The following FGF12 variants were observed in gnomAD, a reference collection of about 807,000 sequenced individuals.
FGF12 encodes fibroblast growth factor 12.
A neutral mutation model predicts 23.6 loss-of-function variants in FGF12; 14 were observed. That is an observed-to-expected ratio of 0.59 (90% CI 0.39 to 0.93). FGF12 has a LOEUF of 0.93. Ranked by LOEUF, FGF12 falls within the 40% of genes least tolerant of loss-of-function variation. FGF12 has a pLI of 0.00. For missense variants in FGF12, 175 were observed against 217.8 expected (o/e 0.80, Z 1.24); for synonymous variants, 62 against 77.3 (o/e 0.80, Z 1.04).
At chr3:192,334,760 T>C (rs1239352703) in intron 4 of FGF12, among the ~76,000 whole-genome samples, 5 of 152,192 alleles carry the variant, frequency 3.3e-5, no homozygotes, top group Non-Finnish European at 5.9e-5. Flanking sequence ...TGAAGGTAGA[T>C]AATTTGCCCA....
At chr3:192,478,636 G>C (rs925558879) in intron 2 of FGF12, among the ~76,000 whole-genome samples, 18 of 152,020 alleles carry the variant, frequency 1.2e-4, no homozygotes, top group African/African-American at 4.3e-4. Context: ...ATCATTTTCA[G>C]TTTTCTTGTG....
At chr3:192,219,948 A>T (rs1718386864) in intron 4 of FGF12, among the ~76,000 whole-genome samples, 2 of 152,276 alleles carry the variant, frequency 1.3e-5, no homozygotes, top group South Asian at 2.1e-4. Flanking sequence ...CTTTCTGATT[A>T]TGACAAAAAG....
chr3:192,284,833 A>G (rs1250580959), intron 4 of FGF12, among the ~76,000 whole-genome samples: 4 of 152,026 alleles, frequency 2.6e-5, no homozygotes. Flanking sequence ...GGAGTCACCT[A>G]GAAAACTACT....
At chr3:192,456,266 G>A (rs1722678830) in intron 2 of FGF12, among the ~76,000 whole-genome samples, 1 of 152,110 alleles carries the variant, frequency 6.6e-6, no homozygotes, top group South Asian at 2.1e-4. Context: ...CTACTTTCAG[G>A]ATTATGTATA....
chr3:192,580,176 T>C (rs1357473315), intron 2 of FGF12, among the ~76,000 whole-genome samples: 4 of 152,188 alleles, frequency 2.6e-5, no homozygotes, highest in East Asian at 3.8e-4. Flanking sequence ...GCTTATATAC[T>C]TACTTATTTT....
chr3:192,540,209 A>G (rs966353446), intron 2 of FGF12, among the ~76,000 whole-genome samples: 8 of 151,464 alleles, frequency 5.3e-5, no homozygotes, highest in Non-Finnish European at 8.8e-5. Flanking sequence ...TTGCTTTTCT[A>G]TTTCTTTAAG....
intron 5 of FGF12, among the ~76,000 whole-genome samples, chr3:192,165,964 G>T (rs142271016): frequency 1.3e-5 from 2 of 152,222 alleles, no homozygotes; most frequent in East Asian, 3.9e-4. Context: ...CTATTGTGAG[G>T]CTTAACAGAG....
At chr3:192,306,222 T>C (rs1241486075) in intron 4 of FGF12, among the ~76,000 whole-genome samples, 2 of 152,190 alleles carry the variant, frequency 1.3e-5, no homozygotes, top group Non-Finnish European at 2.9e-5. Context: ...CATTTTTGTT[T>C]ATATGATTTC....
chr3:192,280,067 T>C (rs1200532706), intron 4 of FGF12, among the ~76,000 whole-genome samples: 2 of 152,204 alleles, frequency 1.3e-5, no homozygotes, highest in Non-Finnish European at 2.9e-5. Flanking sequence ...GTCAACTGGA[T>C]GAAAATAAAA....
At position 192,184,961 on chromosome 3, in the gene FGF12, T is replaced by A. The variant is rs76623420; in HGVS notation, c.229-14305A>T. 3.3e-3 allele frequency among the ~76,000 whole-genome samples: 503 copies of A among 152,370 alleles called. 8 individuals are homozygous for A. The highest frequency in any genetic ancestry group is 0.031 in the East Asian group (163 of 5,186). ...ATTAGGGTACTTGATATATATCTTA[T>A]CACTTCTCACAGATTTCATTACAAT... On this transcript the variant is annotated intron_variant, in intron 4 of 5. Transcript: ENST00000445105.
chr3:192,531,766 C>T (rs753127924), intron 2 of FGF12, among the ~76,000 whole-genome samples: 50 of 152,266 alleles, frequency 3.3e-4, no homozygotes, highest in Non-Finnish European at 6.5e-4. Context: ...TTCTACCACA[C>T]GCTTGATGCT....
chr3:192,411,071 T>C (rs896704588), intron 2 of FGF12, among the ~76,000 whole-genome samples: 2 of 152,034 alleles, frequency 1.3e-5, no homozygotes, highest in African/African-American at 4.8e-5. Flanking sequence ...GTTGGCAACA[T>C]CCTAATAGAA....
chr3:192,293,840 G>A (rs1157045481), intron 4 of FGF12, among the ~76,000 whole-genome samples: 2 of 152,168 alleles, frequency 1.3e-5, no homozygotes, highest in Non-Finnish European at 2.9e-5. Flanking sequence ...TACAGTTCCA[G>A]AGGATGGGAA....
intron 2 of FGF12, among the ~76,000 whole-genome samples, chr3:192,639,547 T>C (rs776085834): frequency 2.6e-5 from 4 of 152,162 alleles, no homozygotes; most frequent in Admixed American, 6.5e-5. Flanking sequence ...ATGGAAACAA[T>C]GTAAGTGTCC....
At chr3:192,404,974 A>G (rs1720905706) in intron 2 of FGF12, among the ~76,000 whole-genome samples, 1 of 151,700 alleles carries the variant, frequency 6.6e-6, no homozygotes, top group South Asian at 2.1e-4. Flanking sequence ...GAAGACATCC[A>G]GTTATTTACA....
rs967576744 is a variant in FGF12, at chr3:192,143,584, A to G, written c.*425T>C. 1.3e-5 allele frequency: 2 copies of G among 153,766 alleles called. No individual in the cohort carries two copies. The highest frequency in any genetic ancestry group is 1.4e-5 in the Non-Finnish European group (1 of 69,036). The allele number at this position is 153,766 out of a possible 1,614,324, so 9.5% of individuals were successfully genotyped here. A position where few individuals can be genotyped will look rare whatever the true frequency, so the allele number is the denominator to read the frequency against. On this transcript the variant is annotated 3_prime_UTR_variant, in exon 6 of 6. Transcript: ENST00000445105. Reference sequence around the variant, plus strand: ...AAAATCAAGCAAAACCACACATCGCAGCATTATCATGAGTTTAAGCTATTG... The same window carrying G: ...AAAATCAAGCAAAACCACACATCGCGGCATTATCATGAGTTTAAGCTATTG...
intron 2 of FGF12, among the ~76,000 whole-genome samples, chr3:192,469,026 CT>C (rs2108812436): frequency 6.6e-6 from 1 of 152,266 alleles, no homozygotes; most frequent in South Asian, 2.1e-4. Context: ...TATGTTCATG[CT>C]CAAATTGTTC....
At chr3:192,441,630 G>A (rs1378228434) in intron 2 of FGF12, among the ~76,000 whole-genome samples, 1 of 152,202 alleles carries the variant, frequency 6.6e-6, no homozygotes, top group Non-Finnish European at 1.5e-5. Context: ...TCCTTCAAAT[G>A]AGAAACGTCA....
intron 2 of FGF12, among the ~76,000 whole-genome samples, chr3:192,426,357 A>C (rs1276683801): frequency 6.6e-6 from 1 of 152,236 alleles, no homozygotes; most frequent in Non-Finnish European, 1.5e-5. Flanking sequence ...GGGAGTGATG[A>C]GCCTCATAGT....
Sources: allele counts gnomAD v4.1 joint callset (sites outside exome capture counted in the v4.1 genomes callset), GRCh38; gene constraint gnomAD v4.1.1; transcripts MANE v1.5; gene names NCBI Gene and HGNC (gene_info 2026-07-23, HGNC 2026-07-21).